FBXO36: variants seen among roughly 807,000 people sequenced by gnomAD.
FBXO36 encodes F-box protein 36, also known as F-box only protein 36.
In FBXO36, 18 loss-of-function variants were observed where a neutral mutation model predicts 17.0. The observed-to-expected ratio is 1.06, with a 90% CI of 0.73 to 1.57. The LOEUF is 1.57. Among genes scored for constraint, FBXO36 ranks in the 40% most tolerant of loss-of-function variants. The probability of loss-of-function intolerance (pLI) is 0.00; values close to 1 mark genes in which losing one functional copy is unlikely to be tolerated. For missense variants in FBXO36, 229 were observed against 221.9 expected, an observed-to-expected ratio of 1.03 and a Z score of -0.20; for synonymous variants, 83 against 85.3, an observed-to-expected ratio of 0.97 and a Z score of 0.15.
At chr2:229,966,998 C>G (rs917242862) in intron 1 of FBXO36, among the ~76,000 whole-genome samples, 14 of 152,110 alleles carry the variant, frequency 9.2e-5, no homozygotes, top group Non-Finnish European at 1.6e-4. Context: ...CGATATTCTT[C>G]CTACCCATGA....
chr2:229,998,360 T>G (rs959282428), intron 3 of FBXO36, among the ~76,000 whole-genome samples: 1 of 152,102 alleles, frequency 6.6e-6, no homozygotes, highest in African/African-American at 2.4e-5. Flanking sequence ...CGGTGGCTCA[T>G]GCCTGTAATC....
chr2:229,924,772 T>C (rs1394861168), intron 1 of FBXO36, among the ~76,000 whole-genome samples: 1 of 151,912 alleles, frequency 6.6e-6, no homozygotes, highest in African/African-American at 2.4e-5. Flanking sequence ...AACTACTCTT[T>C]TTTTTTTTTT....
intron 1 of FBXO36, among the ~76,000 whole-genome samples, chr2:229,935,379 G>C (rs377162529): frequency 3.3e-5 from 5 of 152,232 alleles, no homozygotes; most frequent in African/African-American, 1.2e-4. Context: ...CAGATGTGGT[G>C]GTGCATGCCT....
At chr2:229,968,617 G>A (rs1460378778) in intron 1 of FBXO36, among the ~76,000 whole-genome samples, 1 of 152,066 alleles carries the variant, frequency 6.6e-6, no homozygotes, top group Non-Finnish European at 1.5e-5. Context: ...ACAGGCGTGT[G>A]CTACCATGCC....
chr2:229,966,275 A>G (rs191612305), intron 1 of FBXO36, among the ~76,000 whole-genome samples: 5 of 152,204 alleles, frequency 3.3e-5, no homozygotes, highest in African/African-American at 1.2e-4. Flanking sequence ...GATTCTGGAT[A>G]TTAGCCCTTT....
intron 3 of FBXO36, among the ~76,000 whole-genome samples, chr2:229,997,829 C>T (rs558357740): frequency 1.3e-5 from 2 of 152,288 alleles, no homozygotes; most frequent in Non-Finnish European, 2.9e-5. Context: ...CAGCCATTGT[C>T]AAGGCTTCAG....
chr2:229,963,556 TG>T (rs1334159526), intron 1 of FBXO36, among the ~76,000 whole-genome samples: 1 of 151,288 alleles, frequency 6.6e-6, no homozygotes, highest in Non-Finnish European at 1.5e-5. Flanking sequence ...ACCATTCTCC[TG>T]CCTCAGCCTC....
At chr2:229,976,838 AG>A (rs2077211395) in intron 2 of FBXO36, 1 of 152,486 alleles carries the variant, frequency 6.6e-6, no homozygotes, top group Non-Finnish European at 1.5e-5. Context: ...AAAAGATCCT[AG>A]GTTAACATGT....
intron 1 of FBXO36, among the ~76,000 whole-genome samples, chr2:229,950,635 C>T (rs779599366): frequency 6.6e-5 from 10 of 151,890 alleles, no homozygotes; most frequent in Admixed American, 2.6e-4. Flanking sequence ...TTCCACAGAA[C>T]GGAATGAGAG....
intron 3 of FBXO36, among the ~76,000 whole-genome samples, chr2:230,001,203 A>G (rs1334554748): frequency 6.6e-6 from 1 of 151,986 alleles, no homozygotes; most frequent in African/African-American, 2.4e-5. Context: ...AAGGAAAACC[A>G]CTTATTTCTG....
At chr2:229,949,950 G>A (rs2077048714) in intron 1 of FBXO36, among the ~76,000 whole-genome samples, 1 of 152,000 alleles carries the variant, frequency 6.6e-6, no homozygotes, top group Admixed American at 6.6e-5. Flanking sequence ...ACAAAAACTT[G>A]TCTCTGGAAA....
At chr2:229,987,071 T>A (rs2106203085) in intron 2 of FBXO36, among the ~76,000 whole-genome samples, 1 of 151,592 alleles carries the variant, frequency 6.6e-6, no homozygotes, top group Non-Finnish European at 1.5e-5. Context: ...TATAAAAAAA[T>A]TAGCCAGGCG....
chr2:229,984,457 C>T (rs2077257001), intron 2 of FBXO36, among the ~76,000 whole-genome samples: 1 of 18,770 alleles, frequency 5.3e-5, no homozygotes, highest in African/African-American at 2.4e-4. Context: ...GTGGCGTGAT[C>T]TCGGCTCACT....
intron 2 of FBXO36, among the ~76,000 whole-genome samples, chr2:229,984,546 G>A (rs2077258099): frequency 6.6e-6 from 1 of 151,194 alleles, no homozygotes; most frequent in Non-Finnish European, 1.5e-5. Flanking sequence ...CCGCCAGCAA[G>A]CCCGGCTAAT....
At chr2:229,954,233 G>GGTTTTTTTTTTTT (rs1283205428) in intron 1 of FBXO36, among the ~76,000 whole-genome samples, 1 of 33,122 alleles carries the variant, frequency 3.0e-5, no homozygotes, top group Non-Finnish European at 6.9e-5. Flanking sequence ...AAACCCTTTG[G>GGTTTTTTTTTTTT]ATTTTTTTTT....
chr2:229,944,412 C>T (rs777943195), intron 1 of FBXO36, among the ~76,000 whole-genome samples: 1 of 152,074 alleles, frequency 6.6e-6, no homozygotes, highest in Non-Finnish European at 1.5e-5. Context: ...ATAAATATTA[C>T]GGCATTCCAG....
Position 229,981,560 on chromosome 2 carries a change from GC to G in FBXO36, c.205+5212del, listed in dbSNP as rs545589370. On this transcript the variant is annotated intron_variant, in intron 2 of 3. Coordinates refer to ENST00000283946, the MANE Select transcript of FBXO36 (RefSeq NM_174899.5). ...GTTTCTACAAAAAATACAAAAATTG[GC>G]TGGGCGTGGTGGTGCCTGCCTGCCC... 2.0e-3 allele frequency among the ~76,000 whole-genome samples: 305 copies of G among 151,892 alleles called. 1 individual carries two copies. Among genetic ancestry groups the G allele is most frequent in the Non-Finnish European group, 3.2e-3 (218 of 67,938 alleles).
rs186707999 is a variant in FBXO36, at chr2:230,013,088, T to C, written c.*2204T>C. On this transcript the variant is annotated 3_prime_UTR_variant, in exon 4 of 4. Transcript: ENST00000283946. ...AAATAATAGCTAAAATAATACAGATTATTAAATTATTTTAATACTTACTTG... is the reference window on the plus strand; with the variant it reads ...AAATAATAGCTAAAATAATACAGATCATTAAATTATTTTAATACTTACTTG... 4.0e-5 allele frequency: 6 copies of C among 151,790 alleles called. No individual in the cohort carries two copies. In the East Asian group the frequency reaches 1.2e-3, roughly 29 times the overall value. The allele number at this position is 151,790 out of a possible 1,614,324, so 9.4% of individuals were successfully genotyped here.
intron 1 of FBXO36, among the ~76,000 whole-genome samples, chr2:229,964,765 C>T (rs376656544): frequency 3.2e-4 from 48 of 152,302 alleles, no homozygotes; most frequent in African/African-American, 7.5e-4. Context: ...GTGATCCTTC[C>T]GCCTCGGCCT....
Sources: allele counts gnomAD v4.1 joint callset (sites outside exome capture counted in the v4.1 genomes callset), GRCh38; gene constraint gnomAD v4.1.1; transcripts MANE v1.5; gene names NCBI Gene and HGNC (gene_info 2026-07-23, HGNC 2026-07-21).